The following CYSLTR2 variants were observed in gnomAD, a reference collection of about 807,000 sequenced individuals.
CYSLTR2 encodes cysteinyl leukotriene receptor 2, also known as G-protein coupled receptor GPCR21.
For missense variants in CYSLTR2, 398 were observed against 411.9 expected, an observed-to-expected ratio of 0.97 and a Z score of 0.29; for synonymous variants, 179 against 160.8, an observed-to-expected ratio of 1.11 and a Z score of -0.86.
chr13:48,688,040 T>C (rs1046632507), intron 1 of CYSLTR2, among the ~76,000 whole-genome samples: 1 of 152,180 alleles, frequency 6.6e-6, no homozygotes, highest in African/African-American at 2.4e-5. Flanking sequence ...GTAACTGTTC[T>C]TACCCAGGAT....
At chr13:48,673,283 G>A (rs906833132) in intron 1 of CYSLTR2, among the ~76,000 whole-genome samples, 1 of 152,054 alleles carries the variant, frequency 6.6e-6, no homozygotes, top group Non-Finnish European at 1.5e-5. Flanking sequence ...ATGAATCCGG[G>A]TGCTCCTGTA....
rs200349706 is a variant in CYSLTR2, at chr13:48,707,631, A to G, written c.814A>G (p.Thr272Ala). The part of the protein sequence containing the change: ...PYHTLRTVHL[T>A]TWKVGLCKDR... Reference sequence around the variant, plus strand: ...TCACACACTGAGGACCGTCCACTTGACGACATGGAAAGTGGGTTTATGCAA... The same window carrying G: ...TCACACACTGAGGACCGTCCACTTGGCGACATGGAAAGTGGGTTTATGCAA... Residue 272 changes from threonine (T) to alanine (A), a missense_variant, in exon 5 of 5, where the codon ACG becomes GCG. Physicochemically the swap from Thr to Ala is moderately conservative, Grantham distance 58. Coordinates refer to ENST00000682523, the MANE Select transcript of CYSLTR2 (RefSeq NM_001308476.3). The G allele has an allele frequency of 6.2e-7, 1 of 1,613,586 alleles. No homozygotes were observed. Among genetic ancestry groups the G allele is most frequent in the Non-Finnish European group, 8.5e-7 (1 of 1,179,998 alleles).
intron 1 of CYSLTR2, among the ~76,000 whole-genome samples, chr13:48,668,814 G>A (rs1397502341): frequency 6.6e-6 from 1 of 152,042 alleles, no homozygotes; most frequent in Non-Finnish European, 1.5e-5. Context: ...CTGTGTCCAT[G>A]TGTTCCCATT....
intron 1 of CYSLTR2, among the ~76,000 whole-genome samples, chr13:48,655,931 T>A (rs1400984978): frequency 1.3e-5 from 2 of 152,232 alleles, no homozygotes; most frequent in Non-Finnish European, 2.9e-5. Context: ...TTGGCTATTC[T>A]GTATCCAGTT....
At chr13:48,663,907 T>C (rs1170928467) in intron 1 of CYSLTR2, among the ~76,000 whole-genome samples, 1 of 152,058 alleles carries the variant, frequency 6.6e-6, no homozygotes, top group Non-Finnish European at 1.5e-5. Flanking sequence ...TCTGTCCCTG[T>C]TCTTGGAAGA....
chr13:48,670,194 T>C (rs1953385580), intron 1 of CYSLTR2, among the ~76,000 whole-genome samples: 1 of 152,214 alleles, frequency 6.6e-6, no homozygotes, highest in African/African-American at 2.4e-5. Context: ...GTCAGATGGA[T>C]AAATTGCAAA....
intron 1 of CYSLTR2, among the ~76,000 whole-genome samples, chr13:48,671,219 C>T (rs760774714): frequency 1.3e-4 from 20 of 152,200 alleles, no homozygotes; most frequent in Non-Finnish European, 2.5e-4. Flanking sequence ...ATGTCATCTG[C>T]GAACAGAAAC....
chr13:48,694,719 T>C (rs1202848649), intron 3 of CYSLTR2: 1 of 152,186 alleles, frequency 6.6e-6, no homozygotes, highest in African/African-American at 2.4e-5. Context: ...GTTGGCTTTA[T>C]TACTAATTGC....
rs191807399 is a variant in CYSLTR2 at position 48,677,489 on chromosome 13, G to A, written c.-265-13723G>A. ...AGAGCAAAGGTTACACAGCTACAGA[G>A]TGGGAAGGTTGAGAGTCAAGCCCGT... On this transcript the variant is annotated intron_variant, in intron 1 of 4. Transcript: ENST00000682523. Among the ~76,000 whole-genome samples the A allele has an allele frequency of 1.8e-3, 268 of 152,298 alleles. 8 individuals carry two copies. In the South Asian group the frequency reaches 0.025, roughly 14 times the overall value.
chr13:48,693,722 T>C (rs1427718845), intron 3 of CYSLTR2, among the ~76,000 whole-genome samples: 1 of 151,858 alleles, frequency 6.6e-6, no homozygotes, highest in Non-Finnish European at 1.5e-5. Flanking sequence ...ACATTAAAAT[T>C]GGTTTAAGCC....
chr13:48,710,822 G>T lies in CYSLTR2; in HGVS notation c.*2964G>T, dbSNP rs1025351022. ...TCGGGTTTGGTACTATTTGGGTTTG[G>T]TGCTATTCGTATTCAGGGTCTTGGA... On this transcript the variant is annotated 3_prime_UTR_variant, in exon 5 of 5. Transcript: ENST00000682523. The T allele has an allele frequency of 6.6e-6, 1 of 152,302 alleles. No homozygotes were observed. The highest frequency in any genetic ancestry group is 1.5e-5 in the Non-Finnish European group (1 of 68,026). 9.4% of individuals were successfully genotyped at this position (152,302 alleles called of 1,614,324 possible). A position where few individuals can be genotyped will look rare whatever the true frequency, so the allele number is the denominator to read the frequency against.
rs1004302753 is a variant in CYSLTR2, at chr13:48,670,943, T to C, written c.-266+16926T>C. Among the ~76,000 whole-genome samples, 5 of 152,330 alleles carry C rather than the reference T, an allele frequency of 3.3e-5. No individual in the cohort carries two copies. In the East Asian group the frequency reaches 9.6e-4, roughly 29 times the overall value. ...TGTTCTTCCATTTGTTTGTGTCCTC[T>C]CTTATTTCCTTGAGCAGTGGTTTGT... On this transcript the variant is annotated intron_variant, in intron 1 of 4. Coordinates refer to ENST00000682523, the MANE Select transcript of CYSLTR2 (RefSeq NM_001308476.3).
At chr13:48,670,177 G>A (rs1316802232) in intron 1 of CYSLTR2, among the ~76,000 whole-genome samples, 1 of 152,066 alleles carries the variant, frequency 6.6e-6, no homozygotes, top group Admixed American at 6.5e-5. Flanking sequence ...CTGGATATTA[G>A]CCCTTTGTCA....
intron 2 of CYSLTR2, among the ~76,000 whole-genome samples, chr13:48,692,195 G>A (rs1416988557): frequency 6.6e-6 from 1 of 151,928 alleles, no homozygotes; most frequent in South Asian, 2.1e-4. Context: ...TAAAAAAATT[G>A]CTATGTGTTA....
At chr13:48,682,870 C>T (rs1013199696) in intron 1 of CYSLTR2, among the ~76,000 whole-genome samples, 59 of 152,206 alleles carry the variant, frequency 3.9e-4, no homozygotes, top group African/African-American at 1.4e-3. Context: ...CTGATTCTCT[C>T]CCTTCTCCCA....
intron 1 of CYSLTR2, among the ~76,000 whole-genome samples, chr13:48,677,621 G>A (rs534766245): frequency 1.3e-5 from 2 of 152,096 alleles, no homozygotes; most frequent in South Asian, 4.1e-4. Context: ...AGTTACATGA[G>A]AAAGATGCAC....
At chr13:48,700,701 A>C (rs1185405715) in intron 4 of CYSLTR2, among the ~76,000 whole-genome samples, 1 of 152,116 alleles carries the variant, frequency 6.6e-6, no homozygotes, top group African/African-American at 2.4e-5. Flanking sequence ...AAAGGGTATT[A>C]AATTAGGAAA....
intron 1 of CYSLTR2, among the ~76,000 whole-genome samples, chr13:48,665,606 T>C (rs1230241558): frequency 6.6e-6 from 1 of 152,152 alleles, no homozygotes; most frequent in African/African-American, 2.4e-5. Flanking sequence ...GTCTGTTTTG[T>C]CTGATATAAG....
intron 2 of CYSLTR2, among the ~76,000 whole-genome samples, chr13:48,693,053 T>A (rs1233250467): frequency 1.3e-5 from 2 of 151,760 alleles, no homozygotes; most frequent in African/African-American, 4.8e-5. Context: ...ATTGTAAGAA[T>A]TTTATAAAAA....
Sources: gnomAD v4.1 joint callset for allele counts (sites outside exome capture counted in the v4.1 genomes callset) on GRCh38, gnomAD v4.1.1 for gene constraint, MANE v1.5 for transcripts, NCBI Gene and HGNC (gene_info 2026-07-23, HGNC 2026-07-21) for gene names.